The following MRPL46 variants were observed in gnomAD, a reference collection of about 807,000 sequenced individuals.
MRPL46 encodes mitochondrial ribosomal protein L46.
Under a neutral mutation model 31.0 loss-of-function variants are expected in MRPL46, and 26 were observed. The observed-to-expected ratio is 0.84, with a 90% CI of 0.61 to 1.16. The LOEUF is 1.16. Among genes scored for constraint, MRPL46 ranks in the 50% most tolerant of loss-of-function variants. MRPL46 has a pLI of 0.00. For missense variants in MRPL46, 395 were observed against 340.0 expected (o/e 1.16, Z -1.27); for synonymous variants, 159 against 141.3 (o/e 1.13, Z -0.89).
chr15:88,467,254 C>T lies in MRPL46; in HGVS notation c.124G>A (p.Gly42Arg). 1 of 1,614,074 alleles carries T rather than the reference C, an allele frequency of 6.2e-7. No individual in the cohort carries two copies. The highest frequency in any genetic ancestry group is 8.5e-7 in the Non-Finnish European group (1 of 1,179,992). ...GCGCCCAACAAGCGCCATGGGGATC[C>T]GTTGCTTGAGGGTGCGGCTGCAAGA... ...LALAAAPSSN[G>R]SPWRLLGALC... Residue 42 changes from glycine to arginine, a missense_variant, in exon 1 of 4, where the codon GGA becomes AGA. Transcript: ENST00000312475.
In MRPL46 at chr15:88,464,733, T is replaced by C. The variant is rs1567040227; in HGVS notation, c.559A>G (p.Thr187Ala). 6.2e-7 allele frequency: 1 copy of C among 1,613,816 alleles called. No homozygotes were observed. The highest frequency in any genetic ancestry group is 8.5e-7 in the Non-Finnish European group (1 of 1,179,890). Residue 187 changes from threonine to alanine, a missense_variant, in exon 3 of 4, where the codon ACA becomes GCA. Thr to Ala is a moderately conservative substitution (Grantham distance 58). Transcript: ENST00000312475. The stretch of plus-strand genomic sequence containing the variant: ...AGTGTGGCCAGGGTTCGTTCAGCTG[T>C]TCCTCGAAGGGTCTCCCCAGGCTGC... ...EWQPGETLRGTAERTLATLSE... is the reference protein window; with the variant it reads ...EWQPGETLRGAAERTLATLSE...
At chr15:88,466,687 T>TCA (rs1423642310) in intron 1 of MRPL46, among the ~76,000 whole-genome samples, 4 of 152,208 alleles carry the variant, frequency 2.6e-5, no homozygotes, top group African/African-American at 9.6e-5. Flanking sequence ...TGTAGCGACC[T>TCA]CACACCTTCA....
rs143916767 is a variant in MRPL46 at position 88,463,078 on chromosome 15, C to T, written c.589+1625G>A. ...TTGAGCATCTGGACACAATGATCCT[C>T]GCAAGAAACTCAGCTGCTGACTCCT... On this transcript the variant is annotated intron_variant, in intron 3 of 3. Transcript: ENST00000312475. This position sits in a 1 kb window ranked among gnomAD's most constrained non-coding sequence, Gnocchi z 5.4. 4 of 152,340 alleles carry T rather than the reference C, an allele frequency of 2.6e-5. No individual in the cohort carries two copies. The highest frequency in any genetic ancestry group is 7.2e-5 in the African/African-American group (3 of 41,560). The allele number at this position is 152,340 out of a possible 1,614,324, so 9.4% of individuals were successfully genotyped here.
Position 88,463,052 on chromosome 15 carries a change from G to T in MRPL46, c.589+1651C>A, listed in dbSNP as rs537300357. 6.6e-6 allele frequency: 1 copy of T among 152,332 alleles called. No homozygotes were observed. The highest frequency in any genetic ancestry group is 2.1e-4 in the South Asian group (1 of 4,820). 9.4% of individuals were successfully genotyped at this position (152,332 alleles called of 1,614,324 possible). A position where few individuals can be genotyped will look rare whatever the true frequency, so the allele number is the denominator to read the frequency against. ...TTGTGAATGTTTGACGTTAAGAGAC[G>T]TTGAGCATCTGGACACAATGATCCT... On this transcript the variant is annotated intron_variant, in intron 3 of 3. Transcript: ENST00000312475. The surrounding 1 kb of genome is among the most constrained non-coding windows in gnomAD (Gnocchi z 5.4).
At position 88,459,649 on chromosome 15, in the gene MRPL46, G is replaced by C; in HGVS notation, c.804C>G (p.Tyr268Ter). The C allele has an allele frequency of 6.2e-7, 1 of 1,614,206 alleles. No individual in the cohort carries two copies. Among genetic ancestry groups the C allele is most frequent in the Non-Finnish European group, 8.5e-7 (1 of 1,180,046 alleles). The stretch of plus-strand genomic sequence containing the variant: ...AAACAAACCTCCTAACTTGGGCCAG[G>C]TATTTTGGTTTCAAATAGTCACCCA... The part of the protein sequence containing the change: ...DELGDYLKPK[Y>*]LAQVRRFVSD... The change falls in exon 4 of 4, where the codon TAC becomes TAG. Residue 268 changes from tyrosine (Y) to a stop codon, truncating the protein, a stop_gained. Transcript: ENST00000312475. LOFTEE classifies it high-confidence loss of function.
At chr15:88,465,375 C>A in intron 2 of MRPL46, 1 of 472,282 alleles carries the variant, frequency 2.1e-6, no homozygotes. Context: ...CAAAGTTTAA[C>A]TGAGAGAAAA....
chr15:88,465,676 T>C lies in MRPL46; in HGVS notation c.326A>G (p.Glu109Gly), dbSNP rs767279556. The C allele has an allele frequency of 2.5e-5, 40 of 1,613,888 alleles. No homozygotes were observed. In the Admixed American group the frequency reaches 6.7e-4, roughly 27 times the overall value. ...CGCCAGCAATATATCCTGTTCATCT[T>C]CTTCATCATGAAGGTCAGCTTTCTT... ...AKKKADLHDE[E>G]DEQDILLAQD... Residue 109 changes from glutamate to glycine, a missense_variant, in exon 2 of 4, where the codon GAA (glutamate) becomes GGA (glycine). Transcript: ENST00000312475.
rs963050494 is a variant in MRPL46, at chr15:88,464,881, A to G, written c.416-5T>C. 2 of 1,613,390 alleles carry G rather than the reference A, an allele frequency of 1.2e-6. No individual in the cohort carries two copies. Among genetic ancestry groups the G allele is most frequent in the Non-Finnish European group, 8.5e-7 (1 of 1,179,640 alleles). On this transcript the variant is annotated splice_polypyrimidine_tract_variant and splice_region_variant and intron_variant, in intron 2 of 3. Transcript: ENST00000312475. Reference sequence around the variant, plus strand: ...GGTCATTCTTTTCATCAGCTTCTACAGCAAAGGGGGTCAGAGGAGGTAAGA... The same window carrying G: ...GGTCATTCTTTTCATCAGCTTCTACGGCAAAGGGGGTCAGAGGAGGTAAGA...
rs111338645 is a variant in MRPL46, at chr15:88,467,306, G to C, written c.72C>G (p.Ala24=). 6.2e-7 allele frequency: 1 copy of C among 1,611,530 alleles called. No homozygotes were observed. The change falls in exon 1 of 4, where the codon GCC becomes GCG. Residue 24 remains alanine, a synonymous_variant. Coordinates refer to ENST00000312475, the MANE Select transcript of MRPL46 (RefSeq NM_022163.4). The part of the protein sequence containing the change: ...GGWRRFERLW[A]GSLSSRSLAL... ...CCAGGCTGCGAGAGCTTAGACTGCC[G>C]GCCCAGAGCCTCTCGAACCGCCGCC...
At chr15:88,460,147 G>A (rs771856964) in intron 3 of MRPL46, 4 of 404,072 alleles carry the variant, frequency 9.9e-6, no homozygotes, top group Non-Finnish European at 1.4e-5. Flanking sequence ...CTGGGAGTCA[G>A]AGCACCTAGT....
intron 3 of MRPL46, chr15:88,460,180 A>ATCTGCTGGCGAATCAGCCCAGTCGCTC (rs2055464781): frequency 1.6e-5 from 5 of 304,916 alleles, no homozygotes; most frequent in African/African-American, 1.1e-4. Flanking sequence ...CCCAGTCGCT[A>ATCTGCTGGCGAATCAGCCCAGTCGCTC]TCTGCTGGCG....
At chr15:88,459,930 C>T in intron 3 of MRPL46, 67 bp from the exon 4 acceptor site, 1 of 1,578,978 alleles carries the variant, frequency 6.3e-7, no homozygotes. Flanking sequence ...TACTCTGGCT[C>T]CCAAAATTAT....
In MRPL46 at chr15:88,459,687, T is replaced by C. The variant is rs1275886459; in HGVS notation, c.766A>G (p.Thr256Ala). ...AAATAGTCACCCAGCTCATCCTTAGTGACCCACACATGATGGCCCTTATTC... is the reference window on the plus strand; with the variant it reads ...AAATAGTCACCCAGCTCATCCTTAGCGACCCACACATGATGGCCCTTATTC... Reference protein sequence around the residue: ...AGNKGHHVWVTKDELGDYLKP... With the variant: ...AGNKGHHVWVAKDELGDYLKP... Residue 256 changes from threonine (T) to alanine (A), a missense_variant, in exon 4 of 4, where the codon ACT (threonine) becomes GCT (alanine). By Grantham distance (58) the Thr-to-Ala change is moderately conservative. Coordinates refer to ENST00000312475, the MANE Select transcript of MRPL46 (RefSeq NM_022163.4). 1 of 1,614,054 alleles carries C rather than the reference T, an allele frequency of 6.2e-7. No homozygotes were observed. Among genetic ancestry groups the C allele is most frequent in the Non-Finnish European group, 8.5e-7 (1 of 1,180,036 alleles).
At chr15:88,467,034 T>TA (rs2055546634) in intron 1 of MRPL46, 116 bp downstream of exon 1, 2 of 1,186,398 alleles carry the variant, frequency 1.7e-6, no homozygotes, top group Middle Eastern at 4.0e-4. Context: ...ACCAAGTCAG[T>TA]AAGGTAGGTA....
At position 88,459,810 on chromosome 15, in the gene MRPL46, A is replaced by C. The variant is rs1405605612; in HGVS notation, c.643T>G (p.Phe215Val). 2 of 1,614,090 alleles carry C rather than the reference A, an allele frequency of 1.2e-6. No homozygotes were observed. Among genetic ancestry groups the C allele is most frequent in the Non-Finnish European group, 1.7e-6 (2 of 1,180,038 alleles). The stretch of plus-strand genomic sequence containing the variant: ...GTCCGCATTGCCTGGGGGAACTTGA[A>C]TGTGTAGTGCCCACAGGGTGCATTT... Reference protein sequence around the residue: ...LGNAPCGHYTFKFPQAMRTES... With the variant: ...LGNAPCGHYTVKFPQAMRTES... Residue 215 changes from phenylalanine to valine, a missense_variant, in exon 4 of 4, where the codon TTC becomes GTC. Phe to Val is a conservative substitution (Grantham distance 50, BLOSUM62 -1). Coordinates refer to ENST00000312475, the MANE Select transcript of MRPL46 (RefSeq NM_022163.4).
At chr15:88,461,829 A>C (rs1304770515) in intron 3 of MRPL46, 1 of 152,228 alleles carries the variant, frequency 6.6e-6, no homozygotes, top group East Asian at 1.9e-4. Context: ...CTGGCTAAAC[A>C]AACTGCAGTA....
rs750708702 is a variant in MRPL46 at position 88,467,121 on chromosome 15, T to C, written c.228+29A>G. On this transcript the variant is annotated intron_variant, in intron 1 of 3. Transcript: ENST00000312475. Reference sequence around the variant, plus strand: ...CGCTCAAAGTCACGCAGAATAAACGTCACTCTGAACCCTGCATCTCAGTCC... The same window carrying C: ...CGCTCAAAGTCACGCAGAATAAACGCCACTCTGAACCCTGCATCTCAGTCC... The C allele has an allele frequency of 3.1e-6, 5 of 1,603,192 alleles. No homozygotes were observed. The East Asian group carries it at 6.7e-5, about 22-fold the overall frequency.
At chr15:88,466,675 T>C (rs973146325) in intron 1 of MRPL46, among the ~76,000 whole-genome samples, 3 of 152,166 alleles carry the variant, frequency 2.0e-5, no homozygotes, top group African/African-American at 7.2e-5. Flanking sequence ...TCAAACACTT[T>C]CTGTAGCGAC....
intron 3 of MRPL46, chr15:88,462,973 G>C (rs1456490036): frequency 1.3e-5 from 2 of 152,186 alleles, no homozygotes; most frequent in African/African-American, 4.8e-5. Context: ...CATAGTGCTT[G>C]GGTAGAACCC....
Sources: gnomAD v4.1 joint callset for allele counts (sites outside exome capture counted in the v4.1 genomes callset) on GRCh38, gnomAD v4.1.1 for gene constraint, Gnocchi (gnomAD v3.1) non-coding constraint, MANE v1.5 for transcripts, NCBI Gene and HGNC (gene_info 2026-07-23, HGNC 2026-07-21) for gene names.